ATP8A1: variants seen among roughly 807,000 people sequenced by gnomAD.
ATP8A1 encodes the protein phospholipid-transporting ATPase IA.
In ATP8A1, 90 loss-of-function variants were observed where a neutral mutation model predicts 177.7. The ratio of observed to expected loss-of-function variants is 0.51; its 90% confidence interval spans 0.43 to 0.60. The LOEUF (loss-of-function observed/expected upper bound fraction) is 0.60, where lower values mean the gene tolerates loss of function less well. Among genes scored for constraint, ATP8A1 ranks in the 20% least tolerant of loss-of-function variants. ATP8A1 has a pLI of 0.00. For missense variants in ATP8A1, 1,072 were observed against 1,392.8 expected, an observed-to-expected ratio of 0.77 and a Z score of 3.67; for synonymous variants, 493 against 485.9, an observed-to-expected ratio of 1.01 and a Z score of -0.19.
At chr4:42,453,233 T>C (rs963084809) in intron 29 of ATP8A1, among the ~76,000 whole-genome samples, 2 of 152,232 alleles carry the variant, frequency 1.3e-5, no homozygotes, top group African/African-American at 2.4e-5. Flanking sequence ...GCATCATCAT[T>C]CAGGGCAACA....
intron 6 of ATP8A1, among the ~76,000 whole-genome samples, chr4:42,599,196 C>G (rs1735010603): frequency 1.3e-5 from 2 of 152,166 alleles, no homozygotes; most frequent in East Asian, 3.9e-4. Context: ...AGCAAGCAGC[C>G]TAGGTTATTT....
chr4:42,655,452 ACAC>A lies in ATP8A1; in HGVS notation c.49+1370_49+1372del, dbSNP rs1741521080. Among the ~76,000 whole-genome samples the A allele has an allele frequency of 3.3e-5, 5 of 152,228 alleles. No homozygotes were observed. In the South Asian group the frequency reaches 1.0e-3, roughly 31 times the overall value. On this transcript the variant is annotated intron_variant, in intron 1 of 36. Coordinates refer to ENST00000381668, the MANE Select transcript of ATP8A1 (RefSeq NM_006095.2). ...CCATCAATTGCTATTATTTAAAAGA[ACAC>A]CACCAACTATTACCATTCTACTTTC...
At chr4:42,462,207 G>A (rs1719243484) in intron 27 of ATP8A1, among the ~76,000 whole-genome samples, 1 of 152,258 alleles carries the variant, frequency 6.6e-6, no homozygotes, top group Non-Finnish European at 1.5e-5. Flanking sequence ...CCTAAGTAAT[G>A]AGAAGCCAAA....
rs1386040559 is a variant in ATP8A1, at chr4:42,411,534, T to C, written c.*1382A>G. 1 of 152,182 alleles carries C rather than the reference T, an allele frequency of 6.6e-6. No individual in the cohort carries two copies. The highest frequency in any genetic ancestry group is 1.5e-5 in the Non-Finnish European group (1 of 68,032). The allele number at this position is 152,182 out of a possible 1,614,324, so 9.4% of individuals were successfully genotyped here. A position where few individuals can be genotyped will look rare whatever the true frequency, so the allele number is the denominator to read the frequency against. On this transcript the variant is annotated 3_prime_UTR_variant, in exon 37 of 37. Coordinates refer to ENST00000381668, the MANE Select transcript of ATP8A1 (RefSeq NM_006095.2). ...TCAAATGAAAGTATTATTTAAAAAA[T>C]AGTGTAGAAAACTGGTTGTGGTTTT... is the stretch of plus-strand genomic sequence containing the variant.
intron 16 of ATP8A1, among the ~76,000 whole-genome samples, chr4:42,555,143 T>TA (rs1360215134): frequency 0.02 from 1,243 of 62,742 alleles, 3 homozygotes; most frequent in Middle Eastern, 0.046. Flanking sequence ...CTATCTAATC[T>TA]ATCTATCTAT....
intron 1 of ATP8A1, among the ~76,000 whole-genome samples, chr4:42,642,116 C>A (rs1364311863): frequency 6.6e-6 from 1 of 152,124 alleles, no homozygotes; most frequent in Non-Finnish European, 1.5e-5. Context: ...TGTCCACAAA[C>A]AAGACAAGTG....
At chr4:42,461,788 C>T (rs180801424) in intron 27 of ATP8A1, among the ~76,000 whole-genome samples, 61 of 152,188 alleles carry the variant, frequency 4.0e-4, no homozygotes, top group African/African-American at 1.2e-3. Flanking sequence ...AGAAAACGTG[C>T]GAAAGTTTGG....
intron 33 of ATP8A1, among the ~76,000 whole-genome samples, chr4:42,429,453 C>G (rs1371565655): frequency 6.6e-6 from 1 of 150,546 alleles, no homozygotes; most frequent in African/African-American, 2.4e-5. Context: ...GAAGGAAGTA[C>G]CAGCATTAAC....
chr4:42,443,122 C>G (rs1182097898), intron 33 of ATP8A1, among the ~76,000 whole-genome samples: 1 of 152,124 alleles, frequency 6.6e-6, no homozygotes, highest in Admixed American at 6.5e-5. Flanking sequence ...TAGGACAACT[C>G]AAAAAGTGCA....
chr4:42,522,001 T>C (rs1265807180), intron 22 of ATP8A1, among the ~76,000 whole-genome samples, 159 bp downstream of exon 22: 3 of 152,240 alleles, frequency 2.0e-5, no homozygotes, highest in Admixed American at 2.0e-4. Flanking sequence ...AATATTTTAA[T>C]GCATATTAAT....
intron 14 of ATP8A1, among the ~76,000 whole-genome samples, chr4:42,569,646 A>T (rs534656375): frequency 6.6e-6 from 1 of 152,344 alleles, no homozygotes; most frequent in South Asian, 2.1e-4. Flanking sequence ...TTTAGAAGTA[A>T]CTTTGGCTAC....
intron 8 of ATP8A1, 132 bp downstream of exon 8, chr4:42,588,128 C>G (rs1460133459): frequency 1.6e-6 from 1 of 644,572 alleles, no homozygotes; most frequent in Non-Finnish European, 2.6e-6. Context: ...TATAAAACCT[C>G]TTTGTTGTGG....
At chr4:42,602,289 C>T (rs1735362065) in intron 5 of ATP8A1, among the ~76,000 whole-genome samples, 1 of 152,196 alleles carries the variant, frequency 6.6e-6, no homozygotes, top group Admixed American at 6.5e-5. Context: ...ACTCTAATGC[C>T]TGCAGAGCTC....
At chr4:42,470,692 ACT>A (rs1163898437) in intron 25 of ATP8A1, among the ~76,000 whole-genome samples, 4 of 152,148 alleles carry the variant, frequency 2.6e-5, no homozygotes, top group Non-Finnish European at 2.9e-5. Context: ...AATCTAGAAA[ACT>A]TTTTAGAAGA....
At chr4:42,580,050 T>C in intron 10 of ATP8A1, 72 bp from the exon 11 acceptor site, 1 of 1,234,486 alleles carries the variant, frequency 8.1e-7, no homozygotes. Context: ...TAGTATTCTG[T>C]TGAGGATGAC....
intron 14 of ATP8A1, among the ~76,000 whole-genome samples, chr4:42,570,735 T>C (rs943543747): frequency 9.2e-5 from 14 of 152,234 alleles, no homozygotes; most frequent in Non-Finnish European, 4.4e-5. Context: ...CTACGTGGTA[T>C]CTGGCTTTTT....
intron 33 of ATP8A1, among the ~76,000 whole-genome samples, chr4:42,429,333 A>T (rs1714995421): frequency 6.6e-6 from 1 of 152,170 alleles, no homozygotes; most frequent in South Asian, 2.1e-4. Context: ...GAATCATCAG[A>T]AGTATTTCAA....
In ATP8A1 at chr4:42,590,897, G is replaced by C; in HGVS notation, c.451-13C>G. The C allele has an allele frequency of 6.5e-7, 1 of 1,549,214 alleles. No homozygotes were observed. The highest frequency in any genetic ancestry group is 8.8e-7 in the Non-Finnish European group (1 of 1,141,374). On this transcript the variant is annotated splice_polypyrimidine_tract_variant and intron_variant, in intron 6 of 36. Coordinates refer to ENST00000381668, the MANE Select transcript of ATP8A1 (RefSeq NM_006095.2). ...CCCCTACTGCCACCTACACGTCCCA[G>C]TATAAAATAATTAAAATGGCCAAAA...
intron 24 of ATP8A1, among the ~76,000 whole-genome samples, chr4:42,493,543 C>T (rs1722938492): frequency 6.6e-6 from 1 of 152,098 alleles, no homozygotes; most frequent in Non-Finnish European, 1.5e-5. Context: ...CATTTCATGG[C>T]CTATCATAAA....
Sources: gnomAD v4.1 joint callset for allele counts (sites outside exome capture counted in the v4.1 genomes callset) on GRCh38, gnomAD v4.1.1 for gene constraint, MANE v1.5 for transcripts, NCBI Gene and HGNC (gene_info 2026-07-23, HGNC 2026-07-21) for gene names.